The following MICU3 variants were observed in gnomAD, a reference collection of about 807,000 sequenced individuals.
The protein encoded by MICU3 is mitochondrial calcium uptake 3.
A neutral mutation model predicts 66.5 loss-of-function variants in MICU3; 62 were observed. That is an observed-to-expected ratio of 0.93 (90% confidence interval 0.76 to 1.15). The LOEUF is 1.15. Among genes scored for constraint, MICU3 ranks in the 50% most tolerant of loss-of-function variants. The pLI, the probability that MICU3 is intolerant of heterozygous loss-of-function variation, is 0.00. For missense variants in MICU3, 779 were observed against 664.4 expected, an observed-to-expected ratio of 1.17 and a Z score of -1.90; for synonymous variants, 308 against 240.7, an observed-to-expected ratio of 1.28 and a Z score of -2.59.
intron 1 of MICU3, among the ~76,000 whole-genome samples, chr8:17,050,824 A>G (rs2150568359): frequency 6.6e-6 from 1 of 152,280 alleles, no homozygotes. Flanking sequence ...GGCTTTTTAA[A>G]AAACGCAGTA....
chr8:17,114,191 T>A lies in MICU3; in HGVS notation c.1356T>A (p.Ser452=). 1 of 1,599,958 alleles carries A rather than the reference T, an allele frequency of 6.3e-7. No homozygotes were observed. The highest frequency in any genetic ancestry group is 1.7e-5 in the Admixed American group (1 of 59,568). ...ALNMYNFASR[S]IGQDEFKRAV... is the part of the protein sequence containing the mutation. ...ATATGTATAACTTTGCAAGTCGTTCTATAGGGCAAGGTAAGTAATCATCTA... is the reference window on the plus strand; with the variant it reads ...ATATGTATAACTTTGCAAGTCGTTCAATAGGGCAAGGTAAGTAATCATCTA... Residue 452 remains serine (S), a synonymous_variant, in exon 12 of 15, where the codon TCT becomes TCA. Transcript: ENST00000318063.
chr8:17,065,720 G>A (rs1330151681), intron 2 of MICU3, among the ~76,000 whole-genome samples: 1 of 152,118 alleles, frequency 6.6e-6, no homozygotes, highest in African/African-American at 2.4e-5. Context: ...GGTTATTGAT[G>A]GTTTTTTAAA....
At chr8:17,071,416 C>G (rs1377125006) in intron 3 of MICU3, among the ~76,000 whole-genome samples, 1 of 152,104 alleles carries the variant, frequency 6.6e-6, no homozygotes, top group Non-Finnish European at 1.5e-5. Flanking sequence ...GTGTCCTAAT[C>G]TCTTCTTATA....
At chr8:17,083,421 C>A (rs1247969513) in intron 5 of MICU3, among the ~76,000 whole-genome samples, 3 of 152,084 alleles carry the variant, frequency 2.0e-5, no homozygotes, top group African/African-American at 7.2e-5. Flanking sequence ...CAAAGGCAAT[C>A]TAGTCCCCAG....
At chr8:17,051,680 A>G (rs550753469) in intron 1 of MICU3, among the ~76,000 whole-genome samples, 79 of 152,310 alleles carry the variant, frequency 5.2e-4, no homozygotes, top group African/African-American at 1.7e-3. Context: ...GTCAAATGCT[A>G]TAAGAGGAAA....
chr8:17,102,249 A>C (rs1265182800), intron 9 of MICU3, among the ~76,000 whole-genome samples: 2 of 151,618 alleles, frequency 1.3e-5, no homozygotes, highest in African/African-American at 4.8e-5. Context: ...CTTATGCTCC[A>C]CTCGAGCATG....
intron 3 of MICU3, among the ~76,000 whole-genome samples, chr8:17,073,698 A>G (rs1352968078): frequency 6.6e-6 from 1 of 152,186 alleles, no homozygotes; most frequent in Non-Finnish European, 1.5e-5. Flanking sequence ...GACTGCTGCT[A>G]TATGTGTTTC....
intron 11 of MICU3, among the ~76,000 whole-genome samples, chr8:17,113,881 A>G (rs768162): frequency 0.64 from 97,754 of 151,966 alleles, 31,663 homozygotes; most frequent in Admixed American, 0.7. Flanking sequence ...ACTTTTACCT[A>G]TTATTCTAAT....
In MICU3 at chr8:17,069,758, A is replaced by G. The variant is rs766040197; in HGVS notation, c.567+39A>G. On this transcript the variant is annotated intron_variant, in intron 3 of 14. Transcript: ENST00000318063. ...CTTGGTAGATATACACAAATTTTAT[A>G]TGTGCATGCATATATACATATATAA... 25 of 889,840 alleles carry G rather than the reference A, an allele frequency of 2.8e-5. No homozygotes were observed. In the South Asian group the frequency reaches 4.1e-4, roughly 14 times the overall value. 55.1% of individuals were successfully genotyped at this position (889,840 alleles called of 1,614,324 possible).
chr8:17,046,353 C>G (rs1399652424), intron 1 of MICU3, among the ~76,000 whole-genome samples: 1 of 152,142 alleles, frequency 6.6e-6, no homozygotes, highest in Non-Finnish European at 1.5e-5. Flanking sequence ...CACATTTGGT[C>G]ACAGAAGTCT....
At chr8:17,101,971 CA>C (rs771090588) in intron 9 of MICU3, among the ~76,000 whole-genome samples, 11 of 152,018 alleles carry the variant, frequency 7.2e-5, no homozygotes, top group Non-Finnish European at 1.5e-4. Flanking sequence ...ATCCTTACCA[CA>C]ACCCTTTGGG....
At chr8:17,033,965 A>G (rs763924346) in intron 1 of MICU3, among the ~76,000 whole-genome samples, 2 of 152,178 alleles carry the variant, frequency 1.3e-5, no homozygotes, top group African/African-American at 2.4e-5. Context: ...TTCAATAGAG[A>G]TGAAACAGCC....
At chr8:17,037,863 G>C (rs1284609651) in intron 1 of MICU3, among the ~76,000 whole-genome samples, 4 of 152,190 alleles carry the variant, frequency 2.6e-5, no homozygotes, top group Admixed American at 6.5e-5. Flanking sequence ...GTGAGACATG[G>C]AGTCAAAGGA....
intron 9 of MICU3, 120 bp from the exon 10 acceptor site, chr8:17,104,270 AT>A (rs1801532856): frequency 2.4e-6 from 1 of 422,362 alleles, no homozygotes; most frequent in African/African-American, 2.1e-5. Context: ...TCATTCTAAT[AT>A]TAATATATTT....
Position 17,027,330 on chromosome 8 carries a change from A to G in MICU3, c.51A>G (p.Pro17=). The G allele has an allele frequency of 6.6e-7, 1 of 1,522,630 alleles. No individual in the cohort carries two copies. Among genetic ancestry groups the G allele is most frequent in the South Asian group, 1.2e-5 (1 of 82,524 alleles). 94.3% of individuals were successfully genotyped at this position (1,522,630 alleles called of 1,614,324 possible). Residue 17 remains proline (P), a synonymous_variant, in exon 1 of 15, where the codon CCA becomes CCG. Coordinates refer to ENST00000318063, the MANE Select transcript of MICU3 (RefSeq NM_181723.3). ...LLWPPPRVSP[P]LCAHQPLLGP... ...GGCCGCCACCCCGGGTGTCTCCTCC[A>G]CTCTGCGCTCACCAGCCCCTCCTTG...
intron 1 of MICU3, among the ~76,000 whole-genome samples, chr8:17,040,133 C>G (rs905319482): frequency 6.6e-6 from 1 of 151,966 alleles, no homozygotes; most frequent in Admixed American, 6.6e-5. Context: ...GTCTCGAACT[C>G]CCGATCTCAG....
At chr8:17,072,953 C>T (rs953630161) in intron 3 of MICU3, among the ~76,000 whole-genome samples, 1 of 151,694 alleles carries the variant, frequency 6.6e-6, no homozygotes, top group Non-Finnish European at 1.5e-5. Flanking sequence ...GTGAGTGGCA[C>T]GATCTTGGCT....
At chr8:17,102,243 T>C (rs1037139234) in intron 9 of MICU3, among the ~76,000 whole-genome samples, 16 of 152,006 alleles carry the variant, frequency 1.1e-4, no homozygotes, top group South Asian at 2.1e-4. Context: ...TCTACTCTTA[T>C]GCTCCACTCG....
Position 17,027,267 on chromosome 8 carries a change from G to A in MICU3, c.-13G>A, listed in dbSNP as rs760545798. 4 of 1,310,018 alleles carry A rather than the reference G, an allele frequency of 3.1e-6. No homozygotes were observed. The South Asian group carries it at 4.8e-5, about 16-fold the overall frequency. The allele number at this position is 1,310,018 out of a possible 1,614,324, so 81.1% of individuals were successfully genotyped here. A position where few individuals can be genotyped will look rare whatever the true frequency, so the allele number is the denominator to read the frequency against. ...TCTGCCCCCTCCCAGCTCTGGTGTG[G>A]GCGGCCTCCGCTATGGCTGCGCTGC... On this transcript the variant is annotated 5_prime_UTR_variant, in exon 1 of 15. Transcript: ENST00000318063.
Sources: gnomAD v4.1 joint callset for allele counts (sites outside exome capture counted in the v4.1 genomes callset) on GRCh38, gnomAD v4.1.1 for gene constraint, MANE v1.5 for transcripts, NCBI Gene and HGNC (gene_info 2026-07-23, HGNC 2026-07-21) for gene names.